The following MUC17 variants were observed in gnomAD, a reference collection of about 807,000 sequenced individuals.
MUC17 encodes the protein mucin-17.
Under a neutral mutation model 170.3 loss-of-function variants are expected in MUC17, and 190 were observed. The observed-to-expected ratio is 1.12, with a 90% CI of 0.99 to 1.26. MUC17 has a LOEUF of 1.26. Among genes scored for constraint, MUC17 ranks in the 50% most tolerant of loss-of-function variants. The pLI is 0.00. For synonymous variants in MUC17, 2,325 were observed against 2,002.5 expected, an observed-to-expected ratio of 1.16 and a Z score of -4.30; for missense variants, 6,415 against 5,530.0, an observed-to-expected ratio of 1.16 and a Z score of -5.08.
rs1794987747 is a variant in MUC17, at chr7:101,053,308, A to G, written c.13266-31A>G. On this transcript the variant is annotated intron_variant, in intron 10 of 12. Transcript: ENST00000306151. ...GTCCTTATTCCTGTTCCCCAATCCT[A>G]ATGGGGTCTCTCTGATGTTTCCATC... 4 of 1,602,636 alleles carry G rather than the reference A, an allele frequency of 2.5e-6. 1 individual carries two copies. The South Asian group carries it at 4.4e-5, about 18-fold the overall frequency.
intron 1 of MUC17, among the ~76,000 whole-genome samples, chr7:101,023,509 C>T (rs1269894048): frequency 1.3e-5 from 2 of 152,174 alleles, no homozygotes; most frequent in Non-Finnish European, 2.9e-5. Flanking sequence ...GCCTCAGCCT[C>T]CTGAGTAGCT....
rs1448288146 is a variant in MUC17 at position 101,035,463 on chromosome 7, G to A, written c.4047G>A (p.Val1349=). The A allele has an allele frequency of 5.6e-6, 9 of 1,601,676 alleles. No homozygotes were observed. The East Asian group carries it at 1.4e-4, about 24-fold the overall frequency. Residue 1349 remains valine, a synonymous_variant, in exon 3 of 13, where the codon GTG becomes GTA. Coordinates refer to ENST00000306151, the MANE Select transcript of MUC17 (RefSeq NM_001040105.2). Reference sequence around the variant, plus strand: ...GTATACCTGTCAACACCACACTGGTGGCCAGTTCTGCAATCAGCATCCTTT... The same window carrying A: ...GTATACCTGTCAACACCACACTGGTAGCCAGTTCTGCAATCAGCATCCTTT... ...LTSIPVNTTL[V]ASSAISILST... is the part of the protein sequence containing the mutation.
Position 101,039,800 on chromosome 7 carries a change from C to G in MUC17, c.8384C>G (p.Ala2795Gly). ...STEASSSPTTAEVTSMPTSTP... is the reference protein window; with the variant it reads ...STEASSSPTTGEVTSMPTSTP... ...GAAGCCAGTTCCTCTCCTACAACTG[C>G]TGAAGTTACCAGCATGCCAACCTCA... Residue 2795 changes from alanine (A) to glycine (G), a missense_variant, in exon 3 of 13, where the codon GCT (alanine) becomes GGT (glycine). Physicochemically the swap from Ala to Gly is moderately conservative, Grantham distance 60. Coordinates refer to ENST00000306151, the MANE Select transcript of MUC17 (RefSeq NM_001040105.2). The G allele has an allele frequency of 6.2e-7, 1 of 1,609,308 alleles. No individual in the cohort carries two copies. Among genetic ancestry groups the G allele is most frequent in the South Asian group, 1.1e-5 (1 of 90,958 alleles).
rs1794558372 is a variant in MUC17, at chr7:101,038,291, C to A, written c.6875C>A (p.Ala2292Asp). 3.7e-6 allele frequency: 6 copies of A among 1,613,518 alleles called. No individual in the cohort carries two copies. Among genetic ancestry groups the A allele is most frequent in the Non-Finnish European group, 5.1e-6 (6 of 1,179,714 alleles). ...ATACCTGTCAGCCACACGCTGGTGGCCAATTCTGAGGTTAGCACCCTTTCA... is the reference window on the plus strand; with the variant it reads ...ATACCTGTCAGCCACACGCTGGTGGACAATTCTGAGGTTAGCACCCTTTCA... Reference protein sequence around the residue: ...TSIPVSHTLVANSEVSTLSTT... With the variant: ...TSIPVSHTLVDNSEVSTLSTT... Residue 2292 changes from alanine (A) to aspartate (D), a missense_variant, in exon 3 of 13, where the codon GCC becomes GAC. Physicochemically the swap from Ala to Asp is moderately radical, Grantham distance 126. Transcript: ENST00000306151.
Position 101,043,396 on chromosome 7 carries a change from C to A in MUC17, c.11980C>A (p.Pro3994Thr). The stretch of plus-strand genomic sequence containing the variant: ...TTCAACTACTAAGGAATTTACAACA[C>A]CCGCAATGACTACTGCAGCTCCCCT... ...SFSTTKEFTT[P>T]AMTTAAPLTY... Residue 3994 changes from proline to threonine, a missense_variant, in exon 3 of 13, where the codon CCC (proline) becomes ACC (threonine). Physicochemically the swap from Pro to Thr is conservative, Grantham distance 38. Coordinates refer to ENST00000306151, the MANE Select transcript of MUC17 (RefSeq NM_001040105.2). The A allele has an allele frequency of 6.2e-7, 1 of 1,614,158 alleles. No homozygotes were observed. Among genetic ancestry groups the A allele is most frequent in the Non-Finnish European group, 8.5e-7 (1 of 1,180,040 alleles).
Position 101,041,315 on chromosome 7 carries a change from C to A in MUC17, c.9899C>A (p.Thr3300Asn), listed in dbSNP as rs767499579. 10 of 1,593,980 alleles carry A rather than the reference C, an allele frequency of 6.3e-6. No homozygotes were observed. In the African/African-American group the frequency reaches 1.1e-4, roughly 18 times the overall value. ...TTTVASSETS[T>N]LSTTPADTST... ...ACGGTGGCCAGTTCTGAAACGAGCA[C>A]CCTTTCAACAACTCCTGCTGACACC... is the stretch of plus-strand genomic sequence containing the variant. The change falls in exon 3 of 13, where the codon ACC becomes AAC. Residue 3300 changes from threonine to asparagine, a missense_variant. Transcript: ENST00000306151.
At position 101,056,287 on chromosome 7, in the gene MUC17, TG is replaced by T. The variant is rs774788068; in HGVS notation, c.13440+20del. ...GAAACAAAGGTAAGAAGGGCCTGGATGGGATGCTGGCCTCCCCCAACCCTGC... is the reference window on the plus strand; with the variant it reads ...GAAACAAAGGTAAGAAGGGCCTGGATGGATGCTGGCCTCCCCCAACCCTGC... On this transcript the variant is annotated intron_variant, in intron 12 of 12. Transcript: ENST00000306151. The T allele has an allele frequency of 1.2e-6, 2 of 1,613,148 alleles. No individual in the cohort carries two copies.
rs758328942 is a variant in MUC17, at chr7:101,033,622, A to G, written c.2206A>G (p.Ser736Gly). The change falls in exon 3 of 13, where the codon AGT (serine) becomes GGT (glycine). Residue 736 changes from serine to glycine, a missense_variant. Physicochemically the swap from Ser to Gly is moderately conservative, Grantham distance 56. Transcript: ENST00000306151. ...CTCTCCTACAACTGCTGATGGTGCC[A>G]GTATGCCAACCTCAACTCCTAGTGA... ...SSSPTTADGA[S>G]MPTSTPSEGS... The G allele has an allele frequency of 3.1e-6, 5 of 1,613,724 alleles. No individual in the cohort carries two copies. Among genetic ancestry groups the G allele is most frequent in the South Asian group, 2.2e-5 (2 of 91,048 alleles).
At chr7:101,049,285 G>A in intron 5 of MUC17, 39 bp from the exon 6 acceptor site, 1 of 1,613,766 alleles carries the variant, frequency 6.2e-7, no homozygotes, top group Non-Finnish European at 8.5e-7. Context: ...ACGGCCCCGT[G>A]GTCCCTCTGG....
In MUC17 at chr7:101,038,639, C is replaced by T. The variant is rs140211048; in HGVS notation, c.7223C>T (p.Pro2408Leu). The T allele has an allele frequency of 3.2e-5, 52 of 1,613,582 alleles. No individual in the cohort carries two copies. The highest frequency in any genetic ancestry group is 3.1e-4 in the East Asian group (14 of 44,812). The change falls in exon 3 of 13, where the codon CCG becomes CTG. Residue 2408 changes from proline to leucine, a missense_variant. Pro to Leu is a moderately conservative substitution (Grantham distance 98). Coordinates refer to ENST00000306151, the MANE Select transcript of MUC17 (RefSeq NM_001040105.2). ...ACAAGTGTGCCTGTCAGCACCATGCCGGTGGTCAGTTCTGAGGCTAGCACC... is the reference window on the plus strand; with the variant it reads ...ACAAGTGTGCCTGTCAGCACCATGCTGGTGGTCAGTTCTGAGGCTAGCACC... Reference protein sequence around the residue: ...PLTSVPVSTMPVVSSEASTHS... With the variant: ...PLTSVPVSTMLVVSSEASTHS...
At chr7:101,054,378 G>A (rs1376901025) in intron 11 of MUC17, among the ~76,000 whole-genome samples, 1 of 152,092 alleles carries the variant, frequency 6.6e-6, no homozygotes, top group African/African-American at 2.4e-5. Flanking sequence ...CTAGGTTAAA[G>A]GCACATGTTA....
chr7:101,029,906 G>GA (rs1163038180), intron 1 of MUC17, among the ~76,000 whole-genome samples: 2 of 151,700 alleles, frequency 1.3e-5, no homozygotes, highest in East Asian at 3.9e-4. Context: ...ACCTCTTTTA[G>GA]GTTTTTTTTT....
chr7:101,057,917 A>G, intron 12 of MUC17, 86 bp from the exon 13 acceptor site: 1 of 1,132,400 alleles, frequency 8.8e-7, no homozygotes, highest in Non-Finnish European at 1.3e-6. Flanking sequence ...TAAACAGAAC[A>G]CTTCCTATCC....
Position 101,042,162 on chromosome 7 carries a change from C to T in MUC17, c.10746C>T (p.Leu3582=), listed in dbSNP as rs764510968. 6.2e-7 allele frequency: 1 copy of T among 1,613,624 alleles called. No homozygotes were observed. Among genetic ancestry groups the T allele is most frequent in the African/African-American group, 1.3e-5 (1 of 74,764 alleles). The change falls in exon 3 of 13, where the codon CTC becomes CTT. Residue 3582 remains leucine (L), a synonymous_variant. Transcript: ENST00000306151. ...GAAGCTCTTCATTAACAACTATGCT[C>T]CTCAGCAGCACATATGTGACCAGTT... ...SEGSSSLTTM[L]LSSTYVTSSE...
chr7:101,046,757 G>A (rs1466543542), intron 3 of MUC17, among the ~76,000 whole-genome samples: 5 of 152,034 alleles, frequency 3.3e-5, no homozygotes, highest in African/African-American at 4.8e-5. Context: ...CAACCTGAAC[G>A]AGATGGTGAG....
chr7:101,031,015 C>T, intron 1 of MUC17, 105 bp from the exon 2 acceptor site: 1 of 1,357,172 alleles, frequency 7.4e-7, no homozygotes, highest in Non-Finnish European at 9.8e-7. Context: ...CAGGCTGGTT[C>T]AGGGGCCAGG....
Position 101,034,626 on chromosome 7 carries a change from C to A in MUC17, c.3210C>A (p.Ser1070Arg), listed in dbSNP as rs748479661. Residue 1070 changes from serine (S) to arginine (R), a missense_variant, in exon 3 of 13, where the codon AGC becomes AGA. Transcript: ENST00000306151. ...STLSTTPADTSTPVTTYSQAS... is the reference protein window; with the variant it reads ...STLSTTPADTRTPVTTYSQAS... ...TTTCAACAACTCCTGCTGACACCAGCACACCTGTGACCACTTATTCTCAAG... is the reference window on the plus strand; with the variant it reads ...TTTCAACAACTCCTGCTGACACCAGAACACCTGTGACCACTTATTCTCAAG... 2 of 1,606,046 alleles carry A rather than the reference C, an allele frequency of 1.2e-6. No individual in the cohort carries two copies. The highest frequency in any genetic ancestry group is 2.2e-5 in the South Asian group (2 of 90,498).
chr7:101,023,596 G>A (rs1794131318), intron 1 of MUC17, among the ~76,000 whole-genome samples: 1 of 152,046 alleles, frequency 6.6e-6, no homozygotes, highest in Non-Finnish European at 1.5e-5. Context: ...GTAGAGACGG[G>A]GGTTTCGCCA....
intron 10 of MUC17, 89 bp from the exon 11 acceptor site, chr7:101,053,250 G>A: frequency 1.3e-6 from 2 of 1,581,204 alleles, no homozygotes; most frequent in South Asian, 1.1e-5. Context: ...GGGCAGCGGG[G>A]GCAGCTAAAA....
Sources: allele counts gnomAD v4.1 joint callset (sites outside exome capture counted in the v4.1 genomes callset), GRCh38; gene constraint gnomAD v4.1.1; transcripts MANE v1.5; gene names NCBI Gene and HGNC (gene_info 2026-07-23, HGNC 2026-07-21).